CSF3R: variants seen among roughly 807,000 people sequenced by gnomAD.
CSF3R encodes the protein colony stimulating factor 3 receptor.
A neutral mutation model predicts 84.4 loss-of-function variants in CSF3R; 52 were observed. That is an observed-to-expected ratio of 0.62 (90% CI 0.49 to 0.78). CSF3R has a LOEUF of 0.78. Ranked by LOEUF, CSF3R falls within the 30% of genes least tolerant of loss-of-function variation. The pLI is 0.00. For synonymous variants in CSF3R, 384 were observed against 429.1 expected (o/e 0.89, Z 1.30); for missense variants, 890 against 1,055.7 (o/e 0.84, Z 2.17).
intron 4 of CSF3R, among the ~76,000 whole-genome samples, chr1:36,475,040 T>C (rs1651036328): frequency 6.6e-6 from 1 of 152,072 alleles, no homozygotes; most frequent in Non-Finnish European, 1.5e-5. Flanking sequence ...GTTTCGCTTT[T>C]GTTGCCCAGG....
rs753747584 is a variant in CSF3R at position 36,472,142 on chromosome 1, G to T, written c.998-3C>A. The T allele has an allele frequency of 1.2e-6, 2 of 1,613,856 alleles. No homozygotes were observed. The highest frequency in any genetic ancestry group is 1.7e-6 in the Non-Finnish European group (2 of 1,180,036). On this transcript the variant is annotated splice_region_variant and splice_polypyrimidine_tract_variant and intron_variant, in intron 8 of 16. Transcript: ENST00000373106. The surrounding 1 kb of genome is among the most constrained non-coding windows in gnomAD (Gnocchi z 5.0). Reference sequence around the variant, plus strand: ...TGTGTCCAGTCTGACAGTGGGGGCTGTGGATGGAACAAGAAGAGGGGGTGC... The same window carrying T: ...TGTGTCCAGTCTGACAGTGGGGGCTTTGGATGGAACAAGAAGAGGGGGTGC...
Position 36,472,377 on chromosome 1 carries a change from G to A in CSF3R, c.858C>T (p.Pro286=). 5 of 1,614,106 alleles carry A rather than the reference G, an allele frequency of 3.1e-6. No homozygotes were observed. Among genetic ancestry groups the A allele is most frequent in the Non-Finnish European group, 4.2e-6 (5 of 1,180,030 alleles). ...AGAGCTCATACTGAAGGGCCTCCAAGGGGAGGGGGCCCACCTGGTGAGGGG... is the reference window on the plus strand; with the variant it reads ...AGAGCTCATACTGAAGGGCCTCCAAAGGGAGGGGGCCCACCTGGTGAGGGG... ...EASWALVGPL[P]LEALQYELCG... The change falls in exon 8 of 17, where the codon CCC becomes CCT. Residue 286 remains proline, a synonymous_variant. Transcript: ENST00000373106. This position sits in a 1 kb window ranked among gnomAD's most constrained non-coding sequence, Gnocchi z 5.0.
chr1:36,471,470 G>T lies in CSF3R; in HGVS notation c.1248C>A (p.Thr416=). 1 of 1,614,236 alleles carries T rather than the reference G, an allele frequency of 6.2e-7. No homozygotes were observed. The stretch of plus-strand genomic sequence containing the variant: ...AGAAGACCACCGGAGTGGGACGAGA[G>T]GTCCCGGCTGAGTTATAGGCCACAA... ...VALVAYNSAG[T]SRPTPVVFSE... is the part of the protein sequence containing the mutation. The change falls in exon 10 of 17, where the codon ACC becomes ACA. Residue 416 remains threonine (T), a synonymous_variant. Coordinates refer to ENST00000373106, the MANE Select transcript of CSF3R (RefSeq NM_000760.4).
At chr1:36,475,301 C>A (rs1651055280) in intron 4 of CSF3R, 76 bp downstream of exon 4, 1 of 1,581,392 alleles carries the variant, frequency 6.3e-7, no homozygotes, top group Non-Finnish European at 8.7e-7. Context: ...GCCAACGTGC[C>A]CGGCTGGTAA....
chr1:36,467,831 A>G lies in CSF3R; in HGVS notation c.1855T>C (p.Leu619=), dbSNP rs752816506. The G allele has an allele frequency of 1.1e-5, 18 of 1,614,264 alleles. No homozygotes were observed. The South Asian group carries it at 1.5e-4, about 14-fold the overall frequency. The change falls in exon 14 of 17, where the codon TTG becomes CTG. Residue 619 remains leucine (L), a synonymous_variant. Transcript: ENST00000373106. The surrounding 1 kb of genome is among the most constrained non-coding windows in gnomAD (Gnocchi z 4.1). ...TNSTVLTLMT[L]TPEGSELHII... is the part of the protein sequence containing the mutation. The stretch of plus-strand genomic sequence containing the variant: ...CCCCGTCTCCCCTTACCTGGGGTCA[A>G]GGTCATCAGGGTGAGGACTGTACTG...
chr1:36,472,564 A>G lies in CSF3R; in HGVS notation c.796T>C (p.Cys266Arg), dbSNP rs1365087507. 14 of 1,614,016 alleles carry G rather than the reference A, an allele frequency of 8.7e-6. No individual in the cohort carries two copies. The highest frequency in any genetic ancestry group is 1.3e-5 in the African/African-American group (1 of 75,016). Reference sequence around the variant, plus strand: ...CGCTGCGGCTTGTGGCGCAGCTCACACTTCTGATTTATGTGCAGGCCTGGC... The same window carrying G: ...CGCTGCGGCTTGTGGCGCAGCTCACGCTTCTGATTTATGTGCAGGCCTGGC... ...WQPGLHINQKCELRHKPQRGE... is the reference protein window; with the variant it reads ...WQPGLHINQKRELRHKPQRGE... Residue 266 changes from cysteine to arginine, a missense_variant, in exon 7 of 17, where the codon TGT becomes CGT. Coordinates refer to ENST00000373106, the MANE Select transcript of CSF3R (RefSeq NM_000760.4). This position sits in a 1 kb window ranked among gnomAD's most constrained non-coding sequence, Gnocchi z 5.0.
chr1:36,473,036 T>C, intron 6 of CSF3R: 1 of 414,056 alleles, frequency 2.4e-6, no homozygotes. Context: ...CCTCTCTCTC[T>C]ATGCCCTTCT....
At position 36,466,589 on chromosome 1, in the gene CSF3R, G is replaced by C. The variant is rs1436771935; in HGVS notation, c.2279C>G (p.Thr760Arg). The C allele has an allele frequency of 5.0e-6, 8 of 1,612,490 alleles. No homozygotes were observed. The highest frequency in any genetic ancestry group is 6.8e-6 in the Non-Finnish European group (8 of 1,178,864). ...VLYGQLLGSP[T>R]SPGPGHYLRC... is the part of the protein sequence containing the mutation. ...GAGATAGTGCCCTGGCCCTGGGCTT[G>C]TGGGGCTGCCCAGCAGCTGCCCATA... The change falls in exon 17 of 17, where the codon ACA becomes AGA. Residue 760 changes from threonine (T) to arginine (R), a missense_variant. Physicochemically the swap from Thr to Arg is moderately conservative, Grantham distance 71. Coordinates refer to ENST00000373106, the MANE Select transcript of CSF3R (RefSeq NM_000760.4). This position sits in a 1 kb window ranked among gnomAD's most constrained non-coding sequence, Gnocchi z 4.6.
At position 36,467,900 on chromosome 1, in the gene CSF3R, A is replaced by G; in HGVS notation, c.1786T>C (p.Tyr596His). Residue 596 changes from tyrosine (Y) to histidine (H), a missense_variant, in exon 14 of 17, where the codon TAT becomes CAT. Physicochemically the swap from Tyr to His is moderately conservative, Grantham distance 83. Coordinates refer to ENST00000373106, the MANE Select transcript of CSF3R (RefSeq NM_000760.4). This position sits in a 1 kb window ranked among gnomAD's most constrained non-coding sequence, Gnocchi z 4.1. ...CTGGCAGCCATGAGGTGGATGTGAT[A>G]CAGACTGGCGGGCTCCAGGCCATGG... ...VLHGLEPASLYHIHLMAASQA... is the reference protein window; with the variant it reads ...VLHGLEPASLHHIHLMAASQA... 1 of 1,614,236 alleles carries G rather than the reference A, an allele frequency of 6.2e-7. No individual in the cohort carries two copies. The highest frequency in any genetic ancestry group is 8.5e-7 in the Non-Finnish European group (1 of 1,180,044).
intron 3 of CSF3R, among the ~76,000 whole-genome samples, chr1:36,478,226 C>A (rs931459248): frequency 1.3e-5 from 2 of 151,880 alleles, no homozygotes; most frequent in African/African-American, 4.8e-5. Flanking sequence ...AAAGCAAAAA[C>A]CAAATAAAAA....
At position 36,469,763 on chromosome 1, in the gene CSF3R, A is replaced by G. The variant is rs2124111200; in HGVS notation, c.1363T>C (p.Trp455Arg). 6.2e-7 allele frequency: 1 copy of G among 1,614,120 alleles called. No individual in the cohort carries two copies. Among genetic ancestry groups the G allele is most frequent in the Non-Finnish European group, 8.5e-7 (1 of 1,180,016 alleles). ...LWVGWEPPNP[W>R]PQGYVIEWGL... ...CACTCAATCACATAGCCCTGAGGCC[A>G]TGGATTGGGGGGCTCCCAGCCTACC... Residue 455 changes from tryptophan to arginine, a missense_variant, in exon 11 of 17, where the codon TGG becomes CGG. Coordinates refer to ENST00000373106, the MANE Select transcript of CSF3R (RefSeq NM_000760.4).
At chr1:36,471,684 A>G in intron 9 of CSF3R, 38 bp from the exon 10 acceptor site, 1 of 1,604,908 alleles carries the variant, frequency 6.2e-7, no homozygotes, top group Non-Finnish European at 8.5e-7. Flanking sequence ...GGGGATGTGC[A>G]GCTCATCTTG....
In CSF3R at chr1:36,475,509, G is replaced by A. The variant is rs2124136605; in HGVS notation, c.229C>T (p.Arg77Cys). 5 of 1,614,124 alleles carry A rather than the reference G, an allele frequency of 3.1e-6. No individual in the cohort carries two copies. Among genetic ancestry groups the A allele is most frequent in the South Asian group, 1.1e-5 (1 of 91,086 alleles). ...AELQPGGRQQRLSDGTQESII... is the reference protein window; with the variant it reads ...AELQPGGRQQCLSDGTQESII... The stretch of plus-strand genomic sequence containing the variant: ...GATTCCTGGGTCCCATCAGACAGAC[G>A]CTGCTGCCTGCCCCCGGGCTGAAGC... Residue 77 changes from arginine (R) to cysteine (C), a missense_variant, in exon 4 of 17, where the codon CGT becomes TGT. Arg to Cys is a radical substitution (Grantham distance 180). Transcript: ENST00000373106.
Position 36,473,739 on chromosome 1 carries a change from GA to G in CSF3R, c.485+24del, listed in dbSNP as rs1401973042. 1.9e-6 allele frequency: 3 copies of G among 1,614,022 alleles called. No homozygotes were observed. In the African/African-American group the frequency reaches 4.0e-5, roughly 22 times the overall value. On this transcript the variant is annotated intron_variant, in intron 5 of 16. Coordinates refer to ENST00000373106, the MANE Select transcript of CSF3R (RefSeq NM_000760.4). Reference sequence around the variant, plus strand: ...CCTACCCCAGAATCCAAAGGGAGGGGACCAAGGTGGGGGCCCCTCCTCACTT... The same window carrying G: ...CCTACCCCAGAATCCAAAGGGAGGGGCCAAGGTGGGGGCCCCTCCTCACTT...
Position 36,466,100 on chromosome 1 carries a change from A to G in CSF3R, c.*257T>C. On this transcript the variant is annotated 3_prime_UTR_variant, in exon 17 of 17. Coordinates refer to ENST00000373106, the MANE Select transcript of CSF3R (RefSeq NM_000760.4). This position sits in a 1 kb window ranked among gnomAD's most constrained non-coding sequence, Gnocchi z 4.6. ...AACTGCAAACCAAAAACTAGTTTAC[A>G]ATACTGAAGTTATAGGAAACAAGCA... is the stretch of plus-strand genomic sequence containing the variant. The G allele has an allele frequency of 1.2e-6, 2 of 1,614,226 alleles. No individual in the cohort carries two copies. Among genetic ancestry groups the G allele is most frequent in the Non-Finnish European group, 1.7e-6 (2 of 1,180,044 alleles).
intron 3 of CSF3R, chr1:36,475,920 T>C (rs1651118836): frequency 4.1e-6 from 2 of 484,356 alleles, no homozygotes; most frequent in Admixed American, 7.7e-5. Flanking sequence ...TGGTTTGTAG[T>C]GTGTGCCTTT....
rs867364529 is a variant in CSF3R at position 36,475,495 on chromosome 1, C to T, written c.243G>A (p.Gly81=). Residue 81 remains glycine, a synonymous_variant, in exon 4 of 17, where the codon GGG becomes GGA. Coordinates refer to ENST00000373106, the MANE Select transcript of CSF3R (RefSeq NM_000760.4). ...GCAGGGTGATGATAGATTCCTGGGT[C>T]CCATCAGACAGACGCTGCTGCCTGC... ...PGGRQQRLSD[G]TQESIITLPH... 3 of 1,614,142 alleles carry T rather than the reference C, an allele frequency of 1.9e-6. No individual in the cohort carries two copies. Among genetic ancestry groups the T allele is most frequent in the Non-Finnish European group, 2.5e-6 (3 of 1,180,012 alleles).
chr1:36,467,941 G>T lies in CSF3R; in HGVS notation c.1745C>A (p.Ser582Tyr), dbSNP rs761734033. 6.2e-7 allele frequency: 1 copy of T among 1,614,250 alleles called. No individual in the cohort carries two copies. The part of the protein sequence containing the change: ...QSFSAILNAS[S>Y]RGFVLHGLEP... ...CAGGCCATGGAGGACAAAGCCACGG[G>T]AGGAGGCATTCAGGATGGCGGCTGG... Residue 582 changes from serine (S) to tyrosine (Y), a missense_variant, in exon 14 of 17, where the codon TCC becomes TAC. Physicochemically the swap from Ser to Tyr is moderately radical, Grantham distance 144. Transcript: ENST00000373106. The surrounding 1 kb of genome is among the most constrained non-coding windows in gnomAD (Gnocchi z 4.1).
rs764551126 is a variant in CSF3R at position 36,466,729 on chromosome 1, G to A, written c.2139C>T (p.Asn713=). ...TGGGGAGGCCACAGGTCTCTGAGCT[G>A]TTATGGGACTCCCAGGGCACCGGCT... ...EKKPVPWESH[N]SSETCGLPTL... is the part of the protein sequence containing the mutation. Residue 713 remains asparagine (N), a synonymous_variant, in exon 17 of 17, where the codon AAC becomes AAT. Transcript: ENST00000373106. The surrounding 1 kb of genome is among the most constrained non-coding windows in gnomAD (Gnocchi z 4.6). 1.2e-6 allele frequency: 2 copies of A among 1,614,238 alleles called. No individual in the cohort carries two copies. The highest frequency in any genetic ancestry group is 1.1e-5 in the South Asian group (1 of 91,084).
Sources: gnomAD v4.1 joint callset for allele counts (sites outside exome capture counted in the v4.1 genomes callset) on GRCh38, gnomAD v4.1.1 for gene constraint, Gnocchi (gnomAD v3.1) non-coding constraint, MANE v1.5 for transcripts, NCBI Gene and HGNC (gene_info 2026-07-23, HGNC 2026-07-21) for gene names.